The following STAC variants were observed in gnomAD, a reference collection of about 807,000 sequenced individuals.
STAC encodes the protein SH3 and cysteine-rich domain-containing protein.
STAC carries 43 observed loss-of-function variants against 48.8 expected under a neutral mutation model. The observed-to-expected ratio is 0.88, with a 90% CI of 0.69 to 1.14. STAC has a LOEUF of 1.14. Among genes scored for constraint, STAC ranks in the 50% most tolerant of loss-of-function variants. STAC has a pLI of 0.00. For synonymous variants in STAC, 193 were observed against 179.5 expected (o/e 1.07, Z -0.60); for missense variants, 497 against 504.0 (o/e 0.99, Z 0.13).
chr3:36,544,565 A>G (rs1416419974), intron 10 of STAC, among the ~76,000 whole-genome samples: 1 of 152,162 alleles, frequency 6.6e-6, no homozygotes, highest in Non-Finnish European at 1.5e-5. Flanking sequence ...TTCTGAGGGC[A>G]AAAACTATGT....
At chr3:36,445,727 A>G (rs1696491368) in intron 2 of STAC, among the ~76,000 whole-genome samples, 1 of 152,220 alleles carries the variant, frequency 6.6e-6, no homozygotes, top group Non-Finnish European at 1.5e-5. Context: ...TTTTAGGGAA[A>G]GACTACCTGC....
At chr3:36,387,240 A>G (rs1428296213) in intron 1 of STAC, among the ~76,000 whole-genome samples, 1 of 152,062 alleles carries the variant, frequency 6.6e-6, no homozygotes, top group African/African-American at 2.4e-5. Context: ...TTTTGTTTCT[A>G]GTTCATTTTT....
At chr3:36,425,337 T>C (rs976942730) in intron 1 of STAC, among the ~76,000 whole-genome samples, 2 of 152,008 alleles carry the variant, frequency 1.3e-5, no homozygotes, top group African/African-American at 4.8e-5. Flanking sequence ...TCAGAAAACA[T>C]CAGACAAACC....
intron 1 of STAC, among the ~76,000 whole-genome samples, chr3:36,400,252 T>C (rs1054950415): frequency 9.2e-5 from 14 of 152,226 alleles, no homozygotes; most frequent in African/African-American, 3.1e-4. Context: ...GATACAGAGA[T>C]AGAAATATAT....
chr3:36,510,721 G>A (rs961997519), intron 8 of STAC, among the ~76,000 whole-genome samples: 4 of 151,928 alleles, frequency 2.6e-5, no homozygotes, highest in South Asian at 2.1e-4. Flanking sequence ...AAAACCAAAC[G>A]CCGCATGTTC....
At chr3:36,458,219 G>T (rs1304919106) in intron 2 of STAC, among the ~76,000 whole-genome samples, 1 of 152,076 alleles carries the variant, frequency 6.6e-6, no homozygotes, top group African/African-American at 2.4e-5. Context: ...ACTGAACTTG[G>T]ACTAGGGGAG....
chr3:36,478,518 G>A lies in STAC; in HGVS notation c.389-4474G>A, dbSNP rs150975026. Among the ~76,000 whole-genome samples, 762 of 151,912 alleles carry A rather than the reference G, an allele frequency of 5.0e-3. 9 individuals are homozygous for A. Among genetic ancestry groups the A allele is most frequent in the African/African-American group, 0.018 (728 of 41,422 alleles). On this transcript the variant is annotated intron_variant, in intron 2 of 10. Transcript: ENST00000273183. ...ATTTATTTACTTATTTTATTGAGAC[G>A]GAATCTCACTCCGTCACTGAGGCAG...
At chr3:36,500,694 T>C (rs1380116393) in intron 6 of STAC, among the ~76,000 whole-genome samples, 1 of 152,220 alleles carries the variant, frequency 6.6e-6, no homozygotes, top group African/African-American at 2.4e-5. Context: ...ATTATTATTA[T>C]ATAGAATACA....
chr3:36,524,895 G>A (rs1002498098), intron 8 of STAC, among the ~76,000 whole-genome samples: 1 of 152,132 alleles, frequency 6.6e-6, no homozygotes, highest in Non-Finnish European at 1.5e-5. Flanking sequence ...TGAAAAAGAG[G>A]CATTAGCTAT....
intron 8 of STAC, among the ~76,000 whole-genome samples, chr3:36,517,409 G>A (rs914716341): frequency 1.3e-5 from 2 of 152,166 alleles, no homozygotes; most frequent in African/African-American, 4.8e-5. Context: ...CAGCACTGTG[G>A]GAGGCCAACG....
chr3:36,445,538 G>C (rs1432586866), intron 2 of STAC, among the ~76,000 whole-genome samples: 12 of 152,034 alleles, frequency 7.9e-5, no homozygotes, highest in Non-Finnish European at 1.8e-4. Flanking sequence ...ATGAAGTAGG[G>C]GCTGGTGTAT....
chr3:36,466,247 T>G (rs925647575), intron 2 of STAC, among the ~76,000 whole-genome samples: 2 of 152,102 alleles, frequency 1.3e-5, no homozygotes, highest in Admixed American at 1.3e-4. Context: ...ATATTCTGTT[T>G]CATTGGTCTA....
Position 36,546,644 on chromosome 3 carries a change from G to T in STAC, c.*355G>T. On this transcript the variant is annotated 3_prime_UTR_variant, in exon 11 of 11. Coordinates refer to ENST00000273183, the MANE Select transcript of STAC (RefSeq NM_003149.3). ...ACTGGAGTGTGCTCCAGTTTGCAGGGTAGCCCAGTGCAAGGTTCAGATCCA... is the reference window on the plus strand; with the variant it reads ...ACTGGAGTGTGCTCCAGTTTGCAGGTTAGCCCAGTGCAAGGTTCAGATCCA... The T allele has an allele frequency of 3.3e-6, 1 of 302,254 alleles. No individual in the cohort carries two copies. Among genetic ancestry groups the T allele is most frequent in the Non-Finnish European group, 6.3e-6 (1 of 159,440 alleles). The allele number at this position is 302,254 out of a possible 1,614,324, so 18.7% of individuals were successfully genotyped here.
At chr3:36,385,707 AC>A (rs1166906944) in intron 1 of STAC, among the ~76,000 whole-genome samples, 2 of 152,102 alleles carry the variant, frequency 1.3e-5, no homozygotes, top group Non-Finnish European at 2.9e-5. Flanking sequence ...CACTCTAACA[AC>A]ATAAATTATT....
chr3:36,501,953 T>C (rs578021650), intron 6 of STAC, among the ~76,000 whole-genome samples: 47 of 152,318 alleles, frequency 3.1e-4, no homozygotes, highest in African/African-American at 1.1e-3. Flanking sequence ...TTAAAAGACA[T>C]TGTGTAATTA....
At chr3:36,525,125 A>T (rs1484698118) in intron 8 of STAC, among the ~76,000 whole-genome samples, 1 of 152,184 alleles carries the variant, frequency 6.6e-6, no homozygotes, top group African/African-American at 2.4e-5. Flanking sequence ...TATTAGCTCT[A>T]GTGAGGATTT....
intron 2 of STAC, among the ~76,000 whole-genome samples, chr3:36,444,461 T>G (rs566173666): frequency 4.1e-4 from 63 of 152,220 alleles, no homozygotes; most frequent in Non-Finnish European, 7.2e-4. Context: ...TCTCTACTCC[T>G]TATCTCCTGC....
chr3:36,393,771 G>A (rs1010287312), intron 1 of STAC, among the ~76,000 whole-genome samples: 11 of 150,694 alleles, frequency 7.3e-5, no homozygotes, highest in African/African-American at 2.7e-4. Context: ...CTGGCACCCT[G>A]ATCTCAGACT....
chr3:36,425,856 G>A (rs1486360481), intron 1 of STAC, among the ~76,000 whole-genome samples: 4 of 152,066 alleles, frequency 2.6e-5, no homozygotes, highest in Admixed American at 1.3e-4. Context: ...GTGAGACCCT[G>A]TCTCTACCAA....
Sources: gnomAD v4.1 joint callset for allele counts (sites outside exome capture counted in the v4.1 genomes callset) on GRCh38, gnomAD v4.1.1 for gene constraint, MANE v1.5 for transcripts, NCBI Gene and HGNC (gene_info 2026-07-23, HGNC 2026-07-21) for gene names.